NKIRAS1: variants seen among roughly 807,000 people sequenced by gnomAD.
NKIRAS1 encodes the protein NF-kappa-B inhibitor-interacting Ras-like protein 1.
A neutral mutation model predicts 19.8 loss-of-function variants in NKIRAS1; 16 were observed. The ratio of observed to expected loss-of-function variants is 0.81; its 90% CI spans 0.55 to 1.23. NKIRAS1 has a LOEUF of 1.23. Ranked by LOEUF, NKIRAS1 falls within the 50% of genes most tolerant of loss-of-function variation. The pLI is 0.00. For synonymous variants in NKIRAS1, 88 were observed against 79.0 expected, an observed-to-expected ratio of 1.11 and a Z score of -0.61; for missense variants, 184 against 220.0, an observed-to-expected ratio of 0.84 and a Z score of 1.04.
intron 4 of NKIRAS1, among the ~76,000 whole-genome samples, chr3:23,895,586 C>G (rs1477206676): frequency 6.6e-6 from 1 of 152,162 alleles, no homozygotes; most frequent in African/African-American, 2.4e-5. Flanking sequence ...TTAAATTTAA[C>G]TATTAACCAG....
intron 1 of NKIRAS1, among the ~76,000 whole-genome samples, chr3:23,938,298 C>A (rs1420689301): frequency 6.7e-6 from 1 of 150,074 alleles, no homozygotes; most frequent in Non-Finnish European, 1.5e-5. Flanking sequence ...CAGCCTCTAT[C>A]TCCCAGGCTC....
chr3:23,918,422 G>A (rs36038704), upstream of NKIRAS1: 9,983 of 1,608,784 alleles, frequency 6.2e-3, 36 homozygotes, highest in Non-Finnish European at 7.6e-3. Flanking sequence ...CACTAATTTC[G>A]TGTGTGTTTG....
chr3:23,896,378 G>A (rs1701997260), intron 4 of NKIRAS1, among the ~76,000 whole-genome samples: 1 of 152,100 alleles, frequency 6.6e-6, no homozygotes, highest in African/African-American at 2.4e-5. Flanking sequence ...ACTTTGGGAG[G>A]CCCAGGTGGG....
chr3:23,890,468 C>G lies in NKIRAS1; in HGVS notation c.*2627G>C. On this transcript the variant is annotated 3_prime_UTR_variant, in exon 5 of 5. Transcript: ENST00000425478. Reference sequence around the variant, plus strand: ...ACTATTCGCTAAAGTTTAAAATGTTCTTTTCCTTTCTCCAAAGTAATCTAC... The same window carrying G: ...ACTATTCGCTAAAGTTTAAAATGTTGTTTTCCTTTCTCCAAAGTAATCTAC... 1 of 1,589,198 alleles carries G rather than the reference C, an allele frequency of 6.3e-7. No individual in the cohort carries two copies. Among genetic ancestry groups the G allele is most frequent in the Non-Finnish European group, 8.6e-7 (1 of 1,166,806 alleles).
At chr3:23,914,876 G>C (rs1704161169) in intron 1 of NKIRAS1, among the ~76,000 whole-genome samples, 1 of 152,098 alleles carries the variant, frequency 6.6e-6, no homozygotes, top group African/African-American at 2.4e-5. Flanking sequence ...GCTCCTTTAG[G>C]AGCAGGACTA....
In NKIRAS1 at chr3:23,890,710, T is replaced by G. The variant is rs1275258916; in HGVS notation, c.*2385A>C. 23 of 971,826 alleles carry G rather than the reference T, an allele frequency of 2.4e-5. No homozygotes were observed. The Admixed American group carries it at 7.3e-4, about 31-fold the overall frequency. The allele number at this position is 971,826 out of a possible 1,614,324, so 60.2% of individuals were successfully genotyped here. ...TGGGAGTTGGTAAAGAGTAGGGTAT[T>G]TCTATAACAGATATTATTCAGTCTT... On this transcript the variant is annotated 3_prime_UTR_variant, in exon 5 of 5. Coordinates refer to ENST00000425478, the MANE Select transcript of NKIRAS1 (RefSeq NM_020345.4).
At position 23,946,264 on chromosome 3, in the gene NKIRAS1, G is replaced by A. The variant is rs117762225; in HGVS notation, c.-140+59C>T. ...CGCTCTTTTCGCGAGGTGACCCCAA[G>A]GCGCGGACCCCGCGCAAACCAAACG... On this transcript the variant is annotated intron_variant, in intron 1 of 4. Coordinates refer to the NKIRAS1 transcript ENST00000421515. 906 of 985,496 alleles carry A rather than the reference G, an allele frequency of 9.2e-4. 27 individuals carry two copies. In the East Asian group the frequency reaches 0.06, roughly 65 times the overall value. The allele number at this position is 985,496 out of a possible 1,614,324, so 61.0% of individuals were successfully genotyped here. A position where few individuals can be genotyped will look rare whatever the true frequency, so the allele number is the denominator to read the frequency against.
chr3:23,941,765 C>T (rs1705501665), intron 1 of NKIRAS1, among the ~76,000 whole-genome samples: 1 of 152,260 alleles, frequency 6.6e-6, no homozygotes, highest in Admixed American at 6.5e-5. Flanking sequence ...ATAGCCTCTA[C>T]TAGTTACTTG....
intron 1 of NKIRAS1, among the ~76,000 whole-genome samples, chr3:23,939,939 T>C (rs75636274): frequency 0.16 from 24,713 of 152,164 alleles, 2,197 homozygotes; most frequent in Non-Finnish European, 0.2. Flanking sequence ...TAATGATGAA[T>C]TTGGTTGCCA....
At chr3:23,911,734 G>A (rs1364517005) in intron 1 of NKIRAS1, among the ~76,000 whole-genome samples, 1 of 151,284 alleles carries the variant, frequency 6.6e-6, no homozygotes, top group Non-Finnish European at 1.5e-5. Flanking sequence ...TCTCGAGAAG[G>A]GAAGAAACTG....
upstream of NKIRAS1, chr3:23,920,082 A>G: frequency 1.0e-6 from 1 of 985,928 alleles, no homozygotes; most frequent in Non-Finnish European, 1.2e-6. Context: ...TGTGTTTTGA[A>G]GTTGAATGTG....
intron 1 of NKIRAS1, among the ~76,000 whole-genome samples, chr3:23,933,466 A>G (rs557015299): frequency 1.2e-4 from 19 of 152,352 alleles, no homozygotes; most frequent in African/African-American, 4.6e-4. Context: ...GAGGCCAGGG[A>G]TGCTGCCAAA....
intron 1 of NKIRAS1, among the ~76,000 whole-genome samples, chr3:23,935,788 G>A (rs577661229): frequency 8.0e-4 from 121 of 152,118 alleles, no homozygotes; most frequent in African/African-American, 2.9e-3. Flanking sequence ...AATTAGTAAA[G>A]GCTCATGGTC....
At chr3:23,943,319 G>C (rs536211847) in intron 1 of NKIRAS1, among the ~76,000 whole-genome samples, 1 of 152,188 alleles carries the variant, frequency 6.6e-6, no homozygotes, top group Middle Eastern at 3.4e-3. Context: ...CGCAACTTCC[G>C]CCTTCCGGGT....
At chr3:23,905,795 C>A (rs1195315123) in intron 3 of NKIRAS1, among the ~76,000 whole-genome samples, 109 of 117,616 alleles carry the variant, frequency 9.3e-4, no homozygotes, top group African/African-American at 9.4e-4. Context: ...AAATGTGCTC[C>A]AAAAAAAAAA....
chr3:23,903,779 A>T (rs1702746945), intron 3 of NKIRAS1, among the ~76,000 whole-genome samples: 3 of 152,204 alleles, frequency 2.0e-5, no homozygotes, highest in Non-Finnish European at 4.4e-5. Flanking sequence ...GACAGAGAAC[A>T]CAGAGGAAAG....
intron 1 of NKIRAS1, among the ~76,000 whole-genome samples, chr3:23,936,943 T>G (rs1705405246): frequency 6.6e-6 from 1 of 152,228 alleles, no homozygotes; most frequent in Admixed American, 6.5e-5. Flanking sequence ...TCTAGGTGAC[T>G]TTCCCAGTGA....
intron 1 of NKIRAS1, among the ~76,000 whole-genome samples, chr3:23,915,560 C>A (rs913537274): frequency 1.1e-4 from 16 of 152,156 alleles, no homozygotes; most frequent in African/African-American, 2.9e-4. Context: ...AAGGAGCAAT[C>A]CGAGTTATCT....
chr3:23,928,061 A>G (rs1185903519), intron 1 of NKIRAS1, among the ~76,000 whole-genome samples: 1 of 150,930 alleles, frequency 6.6e-6, no homozygotes, highest in Non-Finnish European at 1.5e-5. Flanking sequence ...CCTAGGTAAC[A>G]AAACAAGACA....
Sources: allele counts gnomAD v4.1 joint callset (sites outside exome capture counted in the v4.1 genomes callset), GRCh38; gene constraint gnomAD v4.1.1; transcripts MANE v1.5; gene names NCBI Gene and HGNC (gene_info 2026-07-23, HGNC 2026-07-21).